Variants in USP35 observed in about 807,000 individuals in gnomAD.
USP35 encodes ubiquitin specific peptidase 35.
Under a neutral mutation model 83.8 loss-of-function variants are expected in USP35, and 69 were observed. The observed-to-expected ratio is 0.82, with a 90% confidence interval of 0.68 to 1.01. The LOEUF is 1.01. USP35 is among the 50% of genes least tolerant of loss of function. USP35 has a pLI of 0.00. For missense variants in USP35, 1,503 were observed against 1,362.5 expected (o/e 1.10, Z -1.62); for synonymous variants, 714 against 589.5 (o/e 1.21, Z -3.06).
At chr11:78,212,926 G>A (rs1456871582) in intron 10 of USP35, among the ~76,000 whole-genome samples, 1 of 152,108 alleles carries the variant, frequency 6.6e-6, no homozygotes, top group Non-Finnish European at 1.5e-5. Context: ...GGGGGAGGGG[G>A]TCCCACTACC....
the USP35 span, among the ~76,000 whole-genome samples, chr11:78,227,631 C>CAAAAAA: frequency 1.0e-3 from 109 of 106,100 alleles, no homozygotes; most frequent in African/African-American, 3.3e-3. Context: ...CCATTGCCAC[C>CAAAAAA]AAAAAAAAAA....
At chr11:78,190,783 C>T (rs1409814720) in intron 1 of USP35, among the ~76,000 whole-genome samples, 2 of 152,122 alleles carry the variant, frequency 1.3e-5, no homozygotes, top group African/African-American at 2.4e-5. Context: ...CAGAATTTTC[C>T]AGGAGAGAAG....
Position 78,213,630 on chromosome 11 carries a change from T to C in USP35, c.2890-16T>C, listed in dbSNP as rs774839453. 1 of 1,469,582 alleles carries C rather than the reference T, an allele frequency of 6.8e-7. No homozygotes were observed. The highest frequency in any genetic ancestry group is 9.0e-7 in the Non-Finnish European group (1 of 1,115,440). The allele number at this position is 1,469,582 out of a possible 1,614,324, so 91.0% of individuals were successfully genotyped here. ...GTGAATTCTAAGTCTAAGTCTCCTC[T>C]CATCTGTGTTCCCAGGAGCAGGAGA... On this transcript the variant is annotated splice_polypyrimidine_tract_variant and intron_variant, in intron 10 of 10. Coordinates refer to ENST00000529308, the MANE Select transcript of USP35 (RefSeq NM_020798.4).
intron 1 of USP35, among the ~76,000 whole-genome samples, chr11:78,195,311 G>T (rs967083367): frequency 2.6e-5 from 4 of 152,180 alleles, no homozygotes; most frequent in African/African-American, 9.7e-5. Context: ...AGGAAAAGAC[G>T]CTTGCTTGGT....
At chr11:78,194,441 AG>A (rs1404923848) in intron 1 of USP35, among the ~76,000 whole-genome samples, 1 of 152,218 alleles carries the variant, frequency 6.6e-6, no homozygotes, top group East Asian at 1.9e-4. Flanking sequence ...CTCTAGCTCC[AG>A]TTCTCAGGCA....
intron 10 of USP35, among the ~76,000 whole-genome samples, chr11:78,211,885 T>C (rs1486996934): frequency 1.3e-5 from 2 of 152,270 alleles, no homozygotes; most frequent in Non-Finnish European, 2.9e-5. Context: ...TTTTTCATTC[T>C]GTAGGTTGTG....
At chr11:78,220,495 C>G in the USP35 span, 1 of 1,509,424 alleles carries the variant, frequency 6.6e-7, no homozygotes, top group Non-Finnish European at 8.9e-7. Flanking sequence ...CAGACTAACC[C>G]ACCACCCAGA....
Position 78,209,642 on chromosome 11 carries a change from T to C in USP35, c.1787T>C (p.Leu596Pro). ...VSSREEAFTDLSLAFPPPERC... is the reference protein window; with the variant it reads ...VSSREEAFTDPSLAFPPPERC... ...TCCCGGGAGGAGGCCTTCACGGACC[T>C]CTCTCTCGCCTTCCCTCCTCCTGAG... is the stretch of plus-strand genomic sequence containing the variant. Residue 596 changes from leucine (L) to proline (P), a missense_variant, in exon 10 of 11, where the codon CTC becomes CCC. Physicochemically the swap from Leu to Pro is moderately conservative, Grantham distance 98. Transcript: ENST00000529308. 7 of 1,613,984 alleles carry C rather than the reference T, an allele frequency of 4.3e-6. No homozygotes were observed. The highest frequency in any genetic ancestry group is 5.1e-6 in the Non-Finnish European group (6 of 1,179,940).
At chr11:78,189,597 C>T (rs1232988932) in intron 1 of USP35, among the ~76,000 whole-genome samples, 1 of 152,160 alleles carries the variant, frequency 6.6e-6, no homozygotes, top group Non-Finnish European at 1.5e-5. Flanking sequence ...CCTCTTACGG[C>T]CCTGGCCCTT....
the USP35 span, among the ~76,000 whole-genome samples, chr11:78,234,265 T>TAG: frequency 1.5e-3 from 233 of 152,264 alleles, no homozygotes; most frequent in Non-Finnish European, 2.9e-3. Context: ...GTATTTTCTG[T>TAG]AGAGACTGGG....
Position 78,200,679 on chromosome 11 carries a change from C to G in USP35, c.1068C>G (p.Ala356=). ...LLLPHIPPMV[A]SLVKEDSNSG... is the part of the protein sequence containing the mutation. ...TCCCTCACATCCCCCCCATGGTGGCCTCTCTGGTCAAGGAGGACTCGAACT... is the reference window on the plus strand; with the variant it reads ...TCCCTCACATCCCCCCCATGGTGGCGTCTCTGGTCAAGGAGGACTCGAACT... The change falls in exon 6 of 11, where the codon GCC becomes GCG. Residue 356 remains alanine (A), a synonymous_variant. Transcript: ENST00000529308. 2 of 1,613,320 alleles carry G rather than the reference C, an allele frequency of 1.2e-6. No individual in the cohort carries two copies. Among genetic ancestry groups the G allele is most frequent in the Non-Finnish European group, 1.7e-6 (2 of 1,179,502 alleles).
intron 6 of USP35, among the ~76,000 whole-genome samples, chr11:78,205,044 A>G (rs2137045673): frequency 6.6e-6 from 1 of 152,358 alleles, no homozygotes; most frequent in East Asian, 1.9e-4. Flanking sequence ...CTGAACTCTA[A>G]GTAGCGGGAT....
intron 6 of USP35, among the ~76,000 whole-genome samples, chr11:78,204,249 C>A (rs922413392): frequency 6.6e-6 from 1 of 152,158 alleles, no homozygotes. Flanking sequence ...TTCGAACACT[C>A]CTGGTACAAG....
chr11:78,206,592 T>C (rs573532185), intron 7 of USP35, among the ~76,000 whole-genome samples: 71 of 152,370 alleles, frequency 4.7e-4, no homozygotes, highest in Non-Finnish European at 9.0e-4. Context: ...AAGGTGCTGC[T>C]GGTGCACGTT....
the USP35 span, among the ~76,000 whole-genome samples, chr11:78,237,056 AT>A: frequency 6.6e-6 from 1 of 152,204 alleles, no homozygotes; most frequent in African/African-American, 2.4e-5. Context: ...TGCTGGTCTC[AT>A]AAAATGAGCT....
In USP35 at chr11:78,214,639, C is replaced by A. The variant is rs1028622571; in HGVS notation, c.*826C>A. 2 of 151,992 alleles carry A rather than the reference C, an allele frequency of 1.3e-5. No individual in the cohort carries two copies. Among genetic ancestry groups the A allele is most frequent in the African/African-American group, 4.8e-5 (2 of 41,270 alleles). The allele number at this position is 151,992 out of a possible 1,614,324, so 9.4% of individuals were successfully genotyped here. On this transcript the variant is annotated 3_prime_UTR_variant, in exon 11 of 11. Coordinates refer to ENST00000529308, the MANE Select transcript of USP35 (RefSeq NM_020798.4). ...GAAGTGCCCTGACACTGCTGTAGCC[C>A]CCTTCTAACTTCTAACCGAAGACAA...
downstream of USP35, among the ~76,000 whole-genome samples, chr11:78,219,913 C>T (rs1864335681): frequency 6.6e-6 from 1 of 152,182 alleles, no homozygotes; most frequent in African/African-American, 2.4e-5. Flanking sequence ...CTTTCCCAGG[C>T]CTGGAAGTCC....
the USP35 span, chr11:78,220,568 T>A: frequency 1.4e-6 from 1 of 721,062 alleles, no homozygotes; most frequent in Non-Finnish European, 2.2e-6. Flanking sequence ...TGCACCATGC[T>A]AAGGACTTTT....
chr11:78,209,316 T>G, intron 9 of USP35, 132 bp from the exon 10 acceptor site: 1 of 954,630 alleles, frequency 1.0e-6, no homozygotes. Flanking sequence ...GTGTGGGTGT[T>G]TGGTGTGTGC....
Sources: allele counts gnomAD v4.1 joint callset (sites outside exome capture counted in the v4.1 genomes callset), GRCh38; gene constraint gnomAD v4.1.1; transcripts MANE v1.5; gene names NCBI Gene and HGNC (gene_info 2026-07-23, HGNC 2026-07-21).